The following CFAP141 variants were observed in gnomAD, a reference collection of about 807,000 sequenced individuals.
The protein encoded by CFAP141 is cilia and flagella associated protein 141, also known as cilia- and flagella-associated protein 141.
At chr1:154,201,807 G>A in the CFAP141 span, among the ~76,000 whole-genome samples, 2 of 151,968 alleles carry the variant, frequency 1.3e-5, no homozygotes, top group East Asian at 3.9e-4. Flanking sequence ...GTCTCGCTCA[G>A]TCGCCCAGGC....
chr1:154,199,807 C>T, the CFAP141 span, among the ~76,000 whole-genome samples: 2 of 152,142 alleles, frequency 1.3e-5, no homozygotes, highest in Non-Finnish European at 2.9e-5. Flanking sequence ...GGTTACATGG[C>T]ACCAAGTGGG....
At chr1:154,205,468 C>T in the CFAP141 span, 8 of 838,274 alleles carry the variant, frequency 9.5e-6, no homozygotes, top group South Asian at 9.7e-5. Flanking sequence ...TGCTTCTCAC[C>T]CCTTCCGCAT....
the CFAP141 span, chr1:154,199,516 C>T: frequency 1.2e-6 from 2 of 1,610,684 alleles, no homozygotes; most frequent in Non-Finnish European, 8.5e-7. Context: ...TGGTGCAGGG[C>T]AGCTTGACGG....
the CFAP141 span, among the ~76,000 whole-genome samples, chr1:154,200,171 G>A: frequency 0.023 from 3,505 of 152,262 alleles, 156 homozygotes; most frequent in African/African-American, 0.08. Context: ...CACCACACCC[G>A]ATCTAAGAGG....
the CFAP141 span, among the ~76,000 whole-genome samples, chr1:154,201,603 G>A: frequency 6.6e-6 from 1 of 151,378 alleles, no homozygotes; most frequent in Non-Finnish European, 1.5e-5. Context: ...GGCCACGCTG[G>A]TGTCGAACTC....
chr1:154,200,466 A>G, the CFAP141 span: 2 of 1,614,196 alleles, frequency 1.2e-6, no homozygotes, highest in Non-Finnish European at 1.7e-6. Context: ...CACCATTAGT[A>G]GTTGCTTTTT....
At chr1:154,205,749 G>A in the CFAP141 span, 1 of 974,980 alleles carries the variant, frequency 1.0e-6, no homozygotes, top group Non-Finnish European at 1.6e-6. Context: ...TTGTTGCCCA[G>A]GCCAGAGTGC....
the CFAP141 span, chr1:154,205,584 T>C: frequency 4.1e-5 from 66 of 1,612,626 alleles, no homozygotes; most frequent in African/African-American, 4.8e-4. Context: ...AGGGAGGGGA[T>C]AGAAGCAGAT....
the CFAP141 span, chr1:154,200,379 A>G: frequency 1.3e-6 from 2 of 1,482,742 alleles, no homozygotes; most frequent in Non-Finnish European, 1.9e-6. Context: ...AATGACACAC[A>G]CTAAGAGCTT....
At chr1:154,204,913 A>T in the CFAP141 span, among the ~76,000 whole-genome samples, 6 of 137,936 alleles carry the variant, frequency 4.3e-5, no homozygotes, top group Non-Finnish European at 9.1e-5. Flanking sequence ...TTGCTCTGTC[A>T]CCCAGGCTGG....
the CFAP141 span, among the ~76,000 whole-genome samples, chr1:154,203,520 T>G: frequency 3.3e-4 from 50 of 151,842 alleles, no homozygotes; most frequent in African/African-American, 1.2e-3. Context: ...TGTCAACCTC[T>G]TAGGCTCAAG....
chr1:154,201,777 A>G, the CFAP141 span, among the ~76,000 whole-genome samples: 3 of 146,126 alleles, frequency 2.1e-5, no homozygotes, highest in African/African-American at 7.5e-5. Flanking sequence ...TGAAGTTTTA[A>G]TTTTTTTTTT....
At chr1:154,205,503 A>AT in the CFAP141 span, 1 of 1,142,784 alleles carries the variant, frequency 8.8e-7, no homozygotes, top group South Asian at 1.2e-5. Flanking sequence ...ATGAGCCCCT[A>AT]AAGAGATGCA....
At chr1:154,202,915 G>A in the CFAP141 span, among the ~76,000 whole-genome samples, 1 of 151,856 alleles carries the variant, frequency 6.6e-6, no homozygotes, top group South Asian at 2.1e-4. Context: ...GAGGCCAGGA[G>A]TTCAAGACCA....
chr1:154,205,862 C>A, the CFAP141 span, among the ~76,000 whole-genome samples: 1 of 152,102 alleles, frequency 6.6e-6, no homozygotes, highest in Non-Finnish European at 1.5e-5. Context: ...CACCACCATG[C>A]CGGGCTAATT....
chr1:154,204,895 A>G, the CFAP141 span, among the ~76,000 whole-genome samples: 1 of 137,810 alleles, frequency 7.3e-6, no homozygotes, highest in Admixed American at 7.7e-5. Context: ...TTTTGTAGAG[A>G]CGGAGTCTTG....
chr1:154,206,251 G>A, the CFAP141 span: 1 of 1,611,954 alleles, frequency 6.2e-7, no homozygotes, highest in Non-Finnish European at 8.5e-7. Context: ...CTTCAACCCA[G>A]CCCCTCCTTC....
the CFAP141 span, among the ~76,000 whole-genome samples, chr1:154,201,590 G>C: frequency 6.6e-6 from 1 of 151,464 alleles, no homozygotes; most frequent in Non-Finnish European, 1.5e-5. Context: ...GTTTCACCGT[G>C]TTGGCCACGC....
chr1:154,205,353 T>C, the CFAP141 span, among the ~76,000 whole-genome samples: 1 of 152,172 alleles, frequency 6.6e-6, no homozygotes, highest in South Asian at 2.1e-4. Context: ...AAAACATGCT[T>C]CAATTTTTCT....
Sources: allele counts gnomAD v4.1 joint callset (sites outside exome capture counted in the v4.1 genomes callset), GRCh38; gene constraint gnomAD v4.1.1; transcripts MANE v1.5; gene names NCBI Gene and HGNC (gene_info 2026-07-23, HGNC 2026-07-21).